DTNBP1: variants seen among roughly 807,000 people sequenced by gnomAD.
The protein encoded by DTNBP1 is dystrobrevin binding protein 1.
DTNBP1 carries 35 observed loss-of-function variants against 42.8 expected under a neutral mutation model. That is an observed-to-expected ratio of 0.82 (90% CI 0.63 to 1.09). The LOEUF (loss-of-function observed/expected upper bound fraction) is 1.09, where lower values mean the gene tolerates loss of function less well. Among genes scored for constraint, DTNBP1 ranks in the 50% least tolerant of loss-of-function variants. The probability of loss-of-function intolerance (pLI) is 0.00; values close to 1 mark genes in which losing one functional copy is unlikely to be tolerated. For missense variants in DTNBP1, 457 were observed against 424.2 expected (o/e 1.08, Z -0.68); for synonymous variants, 171 against 162.2 (o/e 1.05, Z -0.41).
intron 8 of DTNBP1, among the ~76,000 whole-genome samples, chr6:15,530,990 AATT>A (rs1772781021): frequency 6.6e-6 from 1 of 152,052 alleles, no homozygotes; most frequent in African/African-American, 2.4e-5. Flanking sequence ...TTTGGGAGGT[AATT>A]AAGTTAGATG....
At chr6:15,621,096 C>T (rs1200176873) in intron 5 of DTNBP1, among the ~76,000 whole-genome samples, 1 of 152,130 alleles carries the variant, frequency 6.6e-6, no homozygotes, top group Non-Finnish European at 1.5e-5. Context: ...AAAATGTCAA[C>T]AACATTTTCA....
intron 7 of DTNBP1, among the ~76,000 whole-genome samples, chr6:15,569,751 T>A (rs554013296): frequency 6.6e-6 from 1 of 152,014 alleles, no homozygotes; most frequent in Non-Finnish European, 1.5e-5. Flanking sequence ...TCTGAACACA[T>A]AGTTTCTTCT....
intron 7 of DTNBP1, among the ~76,000 whole-genome samples, chr6:15,582,390 A>G (rs1173477157): frequency 6.6e-6 from 1 of 152,168 alleles, no homozygotes; most frequent in African/African-American, 2.4e-5. Flanking sequence ...GGTTGTTTTG[A>G]TACTACTTGA....
intron 8 of DTNBP1, among the ~76,000 whole-genome samples, chr6:15,526,264 G>C (rs1174879293): frequency 6.6e-6 from 1 of 152,186 alleles, no homozygotes; most frequent in South Asian, 2.1e-4. Flanking sequence ...GCAAAGAGAC[G>C]TGTGAGTGTG....
intron 9 of DTNBP1, chr6:15,523,917 G>A (rs1437841404): frequency 5.4e-6 from 7 of 1,287,198 alleles, no homozygotes; most frequent in African/African-American, 1.5e-5. Flanking sequence ...GTGCTGCTGG[G>A]ACGACTGAGC....
At chr6:15,544,986 A>G (rs1379074390) in intron 7 of DTNBP1, among the ~76,000 whole-genome samples, 2 of 152,226 alleles carry the variant, frequency 1.3e-5, no homozygotes, top group African/African-American at 4.8e-5. Flanking sequence ...CTTGTTAGAC[A>G]ATGACAAAAT....
chr6:15,640,349 G>A lies in DTNBP1; in HGVS notation c.162-2545C>T, dbSNP rs181461890. Among the ~76,000 whole-genome samples the A allele has an allele frequency of 2.6e-5, 4 of 152,306 alleles. No individual in the cohort carries two copies. The East Asian group carries it at 7.7e-4, about 29-fold the overall frequency. The stretch of plus-strand genomic sequence containing the variant: ...TTTTACTGAGATAAAGACACTGGAT[G>A]TAAACTCCTTCAATTTTTCTGTGTT... On this transcript the variant is annotated intron_variant, in intron 3 of 9. Coordinates refer to ENST00000344537, the MANE Select transcript of DTNBP1 (RefSeq NM_032122.5).
chr6:15,635,120 T>C (rs1012267520), intron 4 of DTNBP1, among the ~76,000 whole-genome samples: 9 of 152,138 alleles, frequency 5.9e-5, no homozygotes, highest in Non-Finnish European at 1.2e-4. Flanking sequence ...TAGGATTCTG[T>C]AGTTTTTGTT....
rs529196204 is a variant in DTNBP1, at chr6:15,558,974, T to A, written c.512-25579A>T. Among the ~76,000 whole-genome samples, 9 of 152,372 alleles carry A rather than the reference T, an allele frequency of 5.9e-5. No individual in the cohort carries two copies. The South Asian group carries it at 1.4e-3, about 25-fold the overall frequency. ...CTAATGACTTACTACTTGCTGTTTA[T>A]CTTTATTTTAGACTACGGAAATGAC... On this transcript the variant is annotated intron_variant, in intron 7 of 9. Transcript: ENST00000344537.
chr6:15,641,600 C>A (rs73373627), intron 3 of DTNBP1, among the ~76,000 whole-genome samples: 2,935 of 152,200 alleles, frequency 0.019, 103 homozygotes, highest in African/African-American at 0.066. Context: ...ATCTGGTGGC[C>A]AACTCGTGTG....
At chr6:15,528,208 G>GAGC (rs1772551295) in intron 8 of DTNBP1, among the ~76,000 whole-genome samples, 2 of 152,214 alleles carry the variant, frequency 1.3e-5, no homozygotes, top group African/African-American at 4.8e-5. Flanking sequence ...CAGATGTGCA[G>GAGC]AGCAGGTCAG....
chr6:15,613,389 C>G (rs1187006670), intron 6 of DTNBP1, among the ~76,000 whole-genome samples: 1 of 76,972 alleles, frequency 1.3e-5, no homozygotes, highest in African/African-American at 5.0e-5. Flanking sequence ...TTTTTTGAGA[C>G]GGAGTCTTGC....
intron 3 of DTNBP1, among the ~76,000 whole-genome samples, chr6:15,646,993 G>A (rs1302907232): frequency 6.6e-6 from 1 of 151,330 alleles, no homozygotes; most frequent in Non-Finnish European, 1.5e-5. Flanking sequence ...AAACAATTGT[G>A]ACAAAAAATG....
At chr6:15,657,859 G>A (rs752213797) in intron 1 of DTNBP1, among the ~76,000 whole-genome samples, 3 of 152,194 alleles carry the variant, frequency 2.0e-5, no homozygotes, top group Non-Finnish European at 4.4e-5. Flanking sequence ...TCCCAGGACT[G>A]CTTCCATCTC....
intron 7 of DTNBP1, among the ~76,000 whole-genome samples, chr6:15,572,502 G>C (rs1362844995): frequency 1.3e-5 from 2 of 152,200 alleles, no homozygotes; most frequent in Non-Finnish European, 2.9e-5. Context: ...TAACCTGTTT[G>C]CCTTGTCTCT....
At chr6:15,594,715 G>A (rs1292552452) in intron 6 of DTNBP1, among the ~76,000 whole-genome samples, 2 of 151,708 alleles carry the variant, frequency 1.3e-5, no homozygotes, top group African/African-American at 4.8e-5. Flanking sequence ...ATTCCCCGAC[G>A]TGGGGAAAGT....
At chr6:15,540,612 G>A (rs1243866031) in intron 7 of DTNBP1, among the ~76,000 whole-genome samples, 1 of 152,134 alleles carries the variant, frequency 6.6e-6, no homozygotes, top group East Asian at 1.9e-4. Context: ...ACCTTCACAA[G>A]GGAGGAGGGG....
chr6:15,651,023 G>A (rs1760963102), intron 3 of DTNBP1, among the ~76,000 whole-genome samples: 1 of 152,014 alleles, frequency 6.6e-6, no homozygotes, highest in Admixed American at 6.6e-5. Flanking sequence ...AAAATTATTG[G>A]GGACTCAAAT....
At chr6:15,648,220 T>C (rs1413117457) in intron 3 of DTNBP1, among the ~76,000 whole-genome samples, 2 of 151,988 alleles carry the variant, frequency 1.3e-5, no homozygotes, top group African/African-American at 4.8e-5. Context: ...CCTTTCATGA[T>C]AAAAACACTA....
Sources: gnomAD v4.1 joint callset for allele counts (sites outside exome capture counted in the v4.1 genomes callset) on GRCh38, gnomAD v4.1.1 for gene constraint, MANE v1.5 for transcripts, NCBI Gene and HGNC (gene_info 2026-07-23, HGNC 2026-07-21) for gene names.